HAUS8: variants seen among roughly 807,000 people sequenced by gnomAD.
The protein encoded by HAUS8 is HAUS augmin like complex subunit 8.
A neutral mutation model predicts 42.9 loss-of-function variants in HAUS8; 38 were observed. That is an observed-to-expected ratio of 0.89 (90% CI 0.68 to 1.16). The LOEUF (loss-of-function observed/expected upper bound fraction) is 1.16, where lower values mean the gene tolerates loss of function less well. HAUS8 is among the 50% of genes most tolerant of loss of function. The probability of loss-of-function intolerance (pLI) is 0.00; values close to 1 mark genes in which losing one functional copy is unlikely to be tolerated. For missense variants in HAUS8, 494 were observed against 511.6 expected (o/e 0.97, Z 0.33); for synonymous variants, 199 against 205.8 (o/e 0.97, Z 0.28).
At chr19:17,053,071 C>T (rs1447049542) in intron 9 of HAUS8, 105 bp from the exon 10 acceptor site, 23 of 1,374,606 alleles carry the variant, frequency 1.7e-5, no homozygotes, top group Middle Eastern at 4.6e-4. Flanking sequence ...TCGGCTATCG[C>T]GCTGGAACCG....
chr19:17,054,232 C>T (rs1256985018), intron 9 of HAUS8, among the ~76,000 whole-genome samples: 1 of 152,114 alleles, frequency 6.6e-6, no homozygotes, highest in Non-Finnish European at 1.5e-5. Context: ...ATTCTGTGGC[C>T]GCTTGGTATG....
At chr19:17,072,294 T>A (rs913209137) in intron 2 of HAUS8, among the ~76,000 whole-genome samples, 15 of 149,038 alleles carry the variant, frequency 1.0e-4, no homozygotes, top group Admixed American at 6.1e-4. Flanking sequence ...AGTCTTGGCC[T>A]CCAATGATGG....
intron 4 of HAUS8, among the ~76,000 whole-genome samples, chr19:17,061,137 T>TC (rs1165680962): frequency 6.6e-6 from 1 of 150,572 alleles, no homozygotes; most frequent in East Asian, 1.9e-4. Flanking sequence ...AATTTTCTTT[T>TC]TTTTTTTTTT....
intron 3 of HAUS8, among the ~76,000 whole-genome samples, chr19:17,067,325 G>T (rs1477235886): frequency 2.0e-5 from 3 of 152,102 alleles, no homozygotes; most frequent in Non-Finnish European, 4.4e-5. Flanking sequence ...TGATGCCACA[G>T]ATATGACCTT....
chr19:17,058,982 G>C, intron 6 of HAUS8, 106 bp from the exon 7 acceptor site: 1 of 891,432 alleles, frequency 1.1e-6, no homozygotes, highest in African/African-American at 1.7e-5. Flanking sequence ...TCTGTATTCA[G>C]TTTGATATTC....
intron 1 of HAUS8, 128 bp from the exon 2 acceptor site, chr19:17,073,463 G>A (rs578067266): frequency 1.2e-6 from 1 of 848,458 alleles, no homozygotes; most frequent in East Asian, 2.4e-5. Flanking sequence ...CAATTTCAGT[G>A]AGGGTGGGCC....
intron 2 of HAUS8, among the ~76,000 whole-genome samples, chr19:17,071,608 G>A (rs2123384554): frequency 6.6e-6 from 1 of 152,288 alleles, no homozygotes; most frequent in Middle Eastern, 3.4e-3. Context: ...AAACAGTTTT[G>A]CTCAACAAGG....
intron 5 of HAUS8, 78 bp from the exon 6 acceptor site, chr19:17,059,729 TGG>T (rs201663593): frequency 4.5e-6 from 4 of 898,414 alleles, no homozygotes; most frequent in African/African-American, 3.3e-5. Flanking sequence ...TTTCTAATGA[TGG>T]GTTTATTGGG....
chr19:17,070,438 A>G (rs2123382744), intron 2 of HAUS8, among the ~76,000 whole-genome samples: 1 of 152,202 alleles, frequency 6.6e-6, no homozygotes. Context: ...AACCTTCTGG[A>G]CCCTGTGCCA....
At chr19:17,073,015 C>A (rs113790823) in intron 2 of HAUS8, among the ~76,000 whole-genome samples, 2 of 151,644 alleles carry the variant, frequency 1.3e-5, no homozygotes, top group Non-Finnish European at 2.9e-5. Flanking sequence ...TCCACACCCA[C>A]GCTTCCAGGG....
chr19:17,051,646 G>A (rs192668052), intron 10 of HAUS8: 1 of 150,284 alleles, frequency 6.7e-6, no homozygotes, highest in East Asian at 2.0e-4. Flanking sequence ...CCAGCTGCTT[G>A]AGAACTTCCA....
chr19:17,060,833 G>A (rs982446457), intron 4 of HAUS8, among the ~76,000 whole-genome samples: 6 of 152,190 alleles, frequency 3.9e-5, no homozygotes, highest in African/African-American at 9.7e-5. Context: ...ATGGGCACTA[G>A]CATACAGCAT....
intron 9 of HAUS8, 42 bp from the exon 10 acceptor site, chr19:17,053,008 C>T (rs1427958330): frequency 6.2e-7 from 1 of 1,613,028 alleles, no homozygotes; most frequent in East Asian, 2.2e-5. Flanking sequence ...TGGCAAGGTG[C>T]CCCACGCAAG....
At chr19:17,068,355 C>G (rs933717152) in intron 3 of HAUS8, among the ~76,000 whole-genome samples, 2 of 152,066 alleles carry the variant, frequency 1.3e-5, no homozygotes, top group African/African-American at 4.8e-5. Flanking sequence ...CTCAAGTGAT[C>G]CGCCCACCTC....
chr19:17,066,371 G>T (rs981528457), intron 3 of HAUS8, among the ~76,000 whole-genome samples: 1 of 152,110 alleles, frequency 6.6e-6, no homozygotes, highest in African/African-American at 2.4e-5. Context: ...TTTCAGGCAT[G>T]AGCCACCACA....
intron 9 of HAUS8, among the ~76,000 whole-genome samples, chr19:17,055,309 C>T (rs1175521464): frequency 7.8e-6 from 1 of 128,646 alleles, no homozygotes; most frequent in Non-Finnish European, 1.6e-5. Flanking sequence ...CACTGCACTC[C>T]AGCCTGGGCG....
At chr19:17,057,102 C>G (rs896520805) in intron 8 of HAUS8, among the ~76,000 whole-genome samples, 20 of 152,084 alleles carry the variant, frequency 1.3e-4, no homozygotes, top group African/African-American at 4.8e-4. Flanking sequence ...ATAATCCCAG[C>G]ACTTTCAGAG....
intron 4 of HAUS8, among the ~76,000 whole-genome samples, chr19:17,061,088 C>T (rs1353196547): frequency 6.6e-6 from 1 of 151,934 alleles, no homozygotes; most frequent in East Asian, 1.9e-4. Context: ...AGCACATGCC[C>T]TCAGGGCACA....
At chr19:17,050,243 C>T (rs368220841) in intron 10 of HAUS8, 67 bp from the exon 11 acceptor site, 39 of 1,260,130 alleles carry the variant, frequency 3.1e-5, no homozygotes, top group African/African-American at 7.7e-5. Flanking sequence ...GTGTGGTGAA[C>T]GGAGGGCTGC....
Sources: gnomAD v4.1 joint callset for allele counts (sites outside exome capture counted in the v4.1 genomes callset) on GRCh38, gnomAD v4.1.1 for gene constraint, MANE v1.5 for transcripts, NCBI Gene and HGNC (gene_info 2026-07-23, HGNC 2026-07-21) for gene names.